Variants in WDR25 observed in about 807,000 individuals in gnomAD.
WDR25 encodes the protein WD repeat-containing protein 25.
WDR25 carries 35 observed loss-of-function variants against 47.7 expected under a neutral mutation model. That is an observed-to-expected ratio of 0.73 (90% CI 0.56 to 0.97). The LOEUF (loss-of-function observed/expected upper bound fraction) is 0.97, where lower values mean the gene tolerates loss of function less well. Among genes scored for constraint, WDR25 ranks in the 50% least tolerant of loss-of-function variants. WDR25 has a pLI of 0.00. For synonymous variants in WDR25, 248 were observed against 278.9 expected, an observed-to-expected ratio of 0.89 and a Z score of 1.10; for missense variants, 634 against 704.7, an observed-to-expected ratio of 0.90 and a Z score of 1.14.
At chr14:100,482,534 TG>T (rs900274327) in intron 3 of WDR25, among the ~76,000 whole-genome samples, 3 of 152,184 alleles carry the variant, frequency 2.0e-5, no homozygotes, top group African/African-American at 7.2e-5. Flanking sequence ...TTTTCATGGA[TG>T]GGGCGTACTG....
rs781114354 is a variant in WDR25, at chr14:100,525,856, G to A, written c.1102-14G>A. On this transcript the variant is annotated splice_polypyrimidine_tract_variant and intron_variant, in intron 4 of 6. Coordinates refer to ENST00000402312, the MANE Select transcript of WDR25 (RefSeq NM_001161476.3). This position sits in a 1 kb window ranked among gnomAD's most constrained non-coding sequence, Gnocchi z 4.6. ...TGCCAGGCCTGCCAGCATGACCGGT[G>A]TCCGCTCTTGCAGGTGATGAGAAGC... 8.1e-6 allele frequency: 13 copies of A among 1,612,280 alleles called. No individual in the cohort carries two copies. The highest frequency in any genetic ancestry group is 1.1e-5 in the Non-Finnish European group (13 of 1,178,742).
At chr14:100,410,697 AAG>A (rs1195434449) in intron 2 of WDR25, among the ~76,000 whole-genome samples, 1 of 152,110 alleles carries the variant, frequency 6.6e-6, no homozygotes, top group Admixed American at 6.5e-5. Context: ...ATTCCTTATA[AAG>A]AGAGTGTTCA....
At chr14:100,463,925 A>G (rs1322631546) in intron 2 of WDR25, among the ~76,000 whole-genome samples, 1 of 151,628 alleles carries the variant, frequency 6.6e-6, no homozygotes, top group Non-Finnish European at 1.5e-5. Flanking sequence ...GTTCCAAGCC[A>G]TTTCCTCTCT....
At chr14:100,489,305 TG>T (rs1259694367) in intron 4 of WDR25, among the ~76,000 whole-genome samples, 6 of 152,220 alleles carry the variant, frequency 3.9e-5, no homozygotes, top group African/African-American at 1.4e-4. Context: ...TGTGGCTCTG[TG>T]CCCAGCACAG....
chr14:100,444,069 C>T (rs1898751945), intron 2 of WDR25, among the ~76,000 whole-genome samples: 1 of 152,320 alleles, frequency 6.6e-6, no homozygotes, highest in East Asian at 1.9e-4. Context: ...CATAGCCCCA[C>T]TTGGCCTTGA....
Position 100,407,730 on chromosome 14 carries a change from G to T in WDR25, c.822+25984G>T, listed in dbSNP as rs1281226537. 6.6e-6 allele frequency: 1 copy of T among 152,200 alleles called. No individual in the cohort carries two copies. Among genetic ancestry groups the T allele is most frequent in the East Asian group, 1.9e-4 (1 of 5,198 alleles). The allele number at this position is 152,200 out of a possible 1,614,324, so 9.4% of individuals were successfully genotyped here. On this transcript the variant is annotated intron_variant, in intron 2 of 6. Coordinates refer to ENST00000402312, the MANE Select transcript of WDR25 (RefSeq NM_001161476.3). The surrounding 1 kb of genome is among the most constrained non-coding windows in gnomAD (Gnocchi z 4.1). ...ACAGGGACCATAGTTTCACACTTCA[G>T]TGCCTAAACAGGCCCTGACACCCAG...
chr14:100,450,337 T>G (rs536406467), intron 2 of WDR25, among the ~76,000 whole-genome samples: 1 of 152,220 alleles, frequency 6.6e-6, no homozygotes, highest in Admixed American at 6.5e-5. Context: ...CCTGCTGACC[T>G]CCCCAGTGGA....
chr14:100,393,644 G>A (rs770137213), intron 2 of WDR25, among the ~76,000 whole-genome samples: 22 of 152,188 alleles, frequency 1.4e-4, no homozygotes, highest in Non-Finnish European at 2.6e-4. Flanking sequence ...AGAACTTTCC[G>A]GTGCTCAGAG....
intron 2 of WDR25, among the ~76,000 whole-genome samples, chr14:100,398,702 A>G (rs180888416): frequency 6.8e-6 from 1 of 147,484 alleles, no homozygotes; most frequent in African/African-American, 2.5e-5. Context: ...TTTCCGTTTC[A>G]GGATCCAATC....
chr14:100,403,302 G>A (rs956768934), intron 2 of WDR25, among the ~76,000 whole-genome samples: 2 of 152,174 alleles, frequency 1.3e-5, no homozygotes, highest in East Asian at 3.8e-4. Context: ...GAAGCAAAGC[G>A]GGCCTGGGCT....
At chr14:100,483,899 G>A in intron 3 of WDR25, 95 bp from the exon 4 acceptor site, 8 of 1,443,992 alleles carry the variant, frequency 5.5e-6, no homozygotes, top group Non-Finnish European at 7.4e-6. Context: ...AGCTGTGTTT[G>A]CTATGAGCCC....
At chr14:100,453,828 G>A (rs1442518987) in intron 2 of WDR25, among the ~76,000 whole-genome samples, 1 of 152,182 alleles carries the variant, frequency 6.6e-6, no homozygotes, top group African/African-American at 2.4e-5. Flanking sequence ...TTTGCTTTAA[G>A]AAAACTCTTC....
chr14:100,445,973 G>A (rs535378477), intron 2 of WDR25, among the ~76,000 whole-genome samples: 16 of 152,320 alleles, frequency 1.1e-4, no homozygotes, highest in South Asian at 6.2e-4. Context: ...AAGGATCTGA[G>A]GCTGGCCATC....
intron 4 of WDR25, among the ~76,000 whole-genome samples, chr14:100,518,498 A>T (rs1901584560): frequency 6.6e-6 from 1 of 151,268 alleles, no homozygotes; most frequent in African/African-American, 2.4e-5. Flanking sequence ...GTGGTTGCAG[A>T]GTCTCTTGAC....
chr14:100,529,056 T>C lies in WDR25; in HGVS notation c.1273-12T>C. 6.5e-7 allele frequency: 1 copy of C among 1,527,350 alleles called. No homozygotes were observed. The highest frequency in any genetic ancestry group is 2.0e-5 in the Admixed American group (1 of 51,212). 94.6% of individuals were successfully genotyped at this position (1,527,350 alleles called of 1,614,324 possible). ...GTCTTCTCTGACCCATTTGTGGCTCTGCTGTTCTCAGGAGAGGTTCACCTG... is the reference window on the plus strand; with the variant it reads ...GTCTTCTCTGACCCATTTGTGGCTCCGCTGTTCTCAGGAGAGGTTCACCTG... On this transcript the variant is annotated splice_polypyrimidine_tract_variant and intron_variant, in intron 5 of 6. Coordinates refer to ENST00000402312, the MANE Select transcript of WDR25 (RefSeq NM_001161476.3). The surrounding 1 kb of genome is among the most constrained non-coding windows in gnomAD (Gnocchi z 5.1).
At chr14:100,409,469 C>T (rs1038476649) in intron 2 of WDR25, among the ~76,000 whole-genome samples, 11 of 141,024 alleles carry the variant, frequency 7.8e-5, no homozygotes, top group Non-Finnish European at 3.1e-5. Context: ...AAAGGGCTCT[C>T]TTTTGAGGGA....
intron 2 of WDR25, among the ~76,000 whole-genome samples, chr14:100,420,122 CCAGGGGCAT>C (rs1897984648): frequency 6.6e-6 from 1 of 152,186 alleles, no homozygotes; most frequent in Non-Finnish European, 1.5e-5. Flanking sequence ...GCCTGGATCT[CCAGGGGCAT>C]CTGGAAGCCT....
At chr14:100,434,860 C>T (rs1032692001) in intron 2 of WDR25, among the ~76,000 whole-genome samples, 5 of 152,160 alleles carry the variant, frequency 3.3e-5, no homozygotes, top group Non-Finnish European at 7.3e-5. Context: ...TCTTTTTCTT[C>T]ATAAAAAGTA....
rs1431920184 is a variant in WDR25, at chr14:100,488,434, T to G, written c.1101+4310T>G. 6.6e-6 allele frequency among the ~76,000 whole-genome samples: 1 copy of G among 152,146 alleles called. No individual in the cohort carries two copies. Among genetic ancestry groups the G allele is most frequent in the Non-Finnish European group, 1.5e-5 (1 of 68,030 alleles). ...CCGTTGGCCTGAGCTGCAGGAGACC[T>G]GGGCTCACGTCCTCCCTCTGCTACT... On this transcript the variant is annotated intron_variant, in intron 4 of 6. Transcript: ENST00000402312. This position sits in a 1 kb window ranked among gnomAD's most constrained non-coding sequence, Gnocchi z 4.2.
Sources: allele counts gnomAD v4.1 joint callset (sites outside exome capture counted in the v4.1 genomes callset), GRCh38; gene constraint gnomAD v4.1.1; non-coding constraint Gnocchi (gnomAD v3.1); transcripts MANE v1.5; gene names NCBI Gene and HGNC (gene_info 2026-07-23, HGNC 2026-07-21).